The following VEPH1 variants were observed in gnomAD, a reference collection of about 807,000 sequenced individuals.
VEPH1 encodes ventricular zone expressed PH domain containing 1, also known as ventricular zone-expressed PH domain-containing protein homolog 1.
In VEPH1, 80 loss-of-function variants were observed where a neutral mutation model predicts 85.2. The observed-to-expected ratio is 0.94, with a 90% CI of 0.78 to 1.13. The LOEUF (loss-of-function observed/expected upper bound fraction) is 1.13. VEPH1 is among the 50% of genes most tolerant of loss of function. The pLI is 0.00. For synonymous variants in VEPH1, 297 were observed against 348.0 expected, an observed-to-expected ratio of 0.85 and a Z score of 1.63; for missense variants, 955 against 980.5, an observed-to-expected ratio of 0.97 and a Z score of 0.35.
chr3:157,499,781 G>C (rs982049430), intron 1 of VEPH1: 1 of 152,344 alleles, frequency 6.6e-6, no homozygotes, highest in African/African-American at 2.4e-5. Context: ...GGCGAGCCAC[G>C]CAGGAAACAA....
chr3:157,449,167 T>C (rs978965040), intron 4 of VEPH1, among the ~76,000 whole-genome samples: 1 of 152,176 alleles, frequency 6.6e-6, no homozygotes, highest in Non-Finnish European at 1.5e-5. Flanking sequence ...CCAAGTGACA[T>C]CCTTATCTTA....
chr3:157,465,974 G>A (rs1736337385), intron 3 of VEPH1, among the ~76,000 whole-genome samples: 1 of 152,204 alleles, frequency 6.6e-6, no homozygotes, highest in Non-Finnish European at 1.5e-5. Flanking sequence ...GGCTTGGGAA[G>A]AGGCTGTGAC....
chr3:157,432,948 T>C (rs954130165), intron 4 of VEPH1, among the ~76,000 whole-genome samples: 3 of 152,176 alleles, frequency 2.0e-5, no homozygotes, highest in African/African-American at 7.2e-5. Context: ...AGCTTTGTCT[T>C]ATGTTAAATT....
intron 1 of VEPH1, among the ~76,000 whole-genome samples, chr3:157,498,685 T>C (rs937857202): frequency 3.3e-5 from 5 of 152,216 alleles, no homozygotes; most frequent in African/African-American, 4.8e-5. Flanking sequence ...CCTTCCTAAA[T>C]AAGGACTGGC....
intron 9 of VEPH1, among the ~76,000 whole-genome samples, chr3:157,332,703 T>C (rs1390334788): frequency 6.6e-6 from 1 of 152,230 alleles, no homozygotes; most frequent in African/African-American, 2.4e-5. Context: ...GCTATGAACA[T>C]TCAAGTACAT....
chr3:157,470,752 C>T (rs1435001702), intron 2 of VEPH1, among the ~76,000 whole-genome samples: 1 of 152,142 alleles, frequency 6.6e-6, no homozygotes, highest in African/African-American at 2.4e-5. Context: ...TCTACTATCA[C>T]CCTTAGACAG....
At chr3:157,427,606 C>T (rs1732849937) in intron 5 of VEPH1, among the ~76,000 whole-genome samples, 2 of 152,164 alleles carry the variant, frequency 1.3e-5, no homozygotes, top group Non-Finnish European at 1.5e-5. Context: ...CAGGTGCCTC[C>T]TCCATGCCCT....
At chr3:157,281,088 G>A (rs1163831592) in intron 12 of VEPH1, among the ~76,000 whole-genome samples, 9 of 114,966 alleles carry the variant, frequency 7.8e-5, no homozygotes, top group Admixed American at 1.6e-4. Flanking sequence ...ATATGTGTGC[G>A]TGTGTGTGTG....
At chr3:157,340,383 C>T (rs1253286977) in intron 9 of VEPH1, among the ~76,000 whole-genome samples, 1 of 152,232 alleles carries the variant, frequency 6.6e-6, no homozygotes, top group Non-Finnish European at 1.5e-5. Flanking sequence ...ATATCCCGCA[C>T]CTGGCTCAGA....
chr3:157,321,595 T>C (rs747585185), intron 9 of VEPH1, among the ~76,000 whole-genome samples: 43 of 152,188 alleles, frequency 2.8e-4, no homozygotes, highest in Admixed American at 2.0e-3. Flanking sequence ...TTCTAGTACA[T>C]GAGTGAATGG....
intron 11 of VEPH1, among the ~76,000 whole-genome samples, chr3:157,295,948 C>T (rs1051340105): frequency 5.3e-5 from 8 of 151,820 alleles, no homozygotes; most frequent in African/African-American, 1.5e-4. Flanking sequence ...GAGTGAGACT[C>T]CATCTCAAAA....
At chr3:157,369,153 T>TAAC (rs915674537) in intron 7 of VEPH1, among the ~76,000 whole-genome samples, 1 of 48,404 alleles carries the variant, frequency 2.1e-5, no homozygotes, top group African/African-American at 8.2e-5. Context: ...AACAAACAAA[T>TAAC]AACAACAACA....
intron 9 of VEPH1, among the ~76,000 whole-genome samples, chr3:157,325,251 A>C (rs1284564417): frequency 6.6e-6 from 1 of 152,018 alleles, no homozygotes; most frequent in Admixed American, 6.5e-5. Flanking sequence ...TCTTTGTCAG[A>C]TGGATAGATT....
At chr3:157,432,188 G>A (rs879786306) in intron 4 of VEPH1, among the ~76,000 whole-genome samples, 1 of 151,880 alleles carries the variant, frequency 6.6e-6, no homozygotes, top group Admixed American at 6.6e-5. Context: ...CTTGTGATTT[G>A]GCCATTCACA....
chr3:157,272,240 T>TCTTCCTTCCTTCCTTCCTTC (rs59176910), intron 12 of VEPH1, among the ~76,000 whole-genome samples: 2 of 137,208 alleles, frequency 1.5e-5, no homozygotes, highest in African/African-American at 5.5e-5. Flanking sequence ...TCTCTTTTCT[T>TCTTCCTTCCTTCCTTCCTTC]CTTCCTTCCT....
chr3:157,381,468 GC>G (rs1485625352), intron 6 of VEPH1, 92 bp from the exon 7 acceptor site: 2 of 1,316,354 alleles, frequency 1.5e-6, no homozygotes, highest in Admixed American at 1.9e-5. Context: ...ACTTTGGGAG[GC>G]TGAGGTGGGT....
chr3:157,493,449 T>C (rs1467920809), intron 2 of VEPH1, among the ~76,000 whole-genome samples: 1 of 152,112 alleles, frequency 6.6e-6, no homozygotes, highest in Non-Finnish European at 1.5e-5. Flanking sequence ...CATGTGCTAA[T>C]CAGAAAAGGA....
At chr3:157,300,788 A>G (rs115267022) in intron 11 of VEPH1, among the ~76,000 whole-genome samples, 1,751 of 152,348 alleles carry the variant, frequency 0.011, 16 homozygotes, top group Middle Eastern at 0.058. Context: ...GATTGTGTGT[A>G]CAGAATTGTT....
chr3:157,439,209 A>G (rs962394271), intron 4 of VEPH1, among the ~76,000 whole-genome samples: 1 of 152,214 alleles, frequency 6.6e-6, no homozygotes, highest in Admixed American at 6.5e-5. Flanking sequence ...CAAACCACGT[A>G]AAGTCATTGT....
Sources: allele counts gnomAD v4.1 joint callset (sites outside exome capture counted in the v4.1 genomes callset), GRCh38; gene constraint gnomAD v4.1.1; transcripts MANE v1.5; gene names NCBI Gene and HGNC (gene_info 2026-07-23, HGNC 2026-07-21).